PRKN: variants seen among roughly 807,000 people sequenced by gnomAD.
PRKN encodes E3 ubiquitin-protein ligase parkin.
A neutral mutation model predicts 59.5 loss-of-function variants in PRKN; 56 were observed. The ratio of observed to expected loss-of-function variants is 0.94; its 90% CI spans 0.76 to 1.18. The LOEUF is 1.18. Ranked by LOEUF, PRKN falls within the 50% of genes most tolerant of loss-of-function variation. The pLI is 0.00. For missense variants in PRKN, 657 were observed against 596.4 expected, an observed-to-expected ratio of 1.10 and a Z score of -1.06; for synonymous variants, 250 against 222.1, an observed-to-expected ratio of 1.13 and a Z score of -1.12.
At chr6:162,011,051 A>G (rs1363969125) in intron 5 of PRKN, among the ~76,000 whole-genome samples, 1 of 13,186 alleles carries the variant, frequency 7.6e-5, no homozygotes, top group African/African-American at 6.9e-4. Context: ...TATTTATAAT[A>G]TATATTATAA....
At position 162,652,146 on chromosome 6, in the gene PRKN, A is replaced by G. The variant is rs1416475996; in HGVS notation, c.7+75516T>C. 2.6e-5 allele frequency among the ~76,000 whole-genome samples: 4 copies of G among 152,308 alleles called. No individual in the cohort carries two copies. In the East Asian group the frequency reaches 7.7e-4, roughly 29 times the overall value. ...GTAACAGCCCCAAATTTCTTCAGATATCATCAATGTCCACTGGTGGCAAAA... is the reference window on the plus strand; with the variant it reads ...GTAACAGCCCCAAATTTCTTCAGATGTCATCAATGTCCACTGGTGGCAAAA... On this transcript the variant is annotated intron_variant, in intron 1 of 11. Transcript: ENST00000366898.
chr6:162,266,264 A>G (rs1324886608), intron 2 of PRKN, among the ~76,000 whole-genome samples: 5 of 150,990 alleles, frequency 3.3e-5, no homozygotes, highest in Admixed American at 2.0e-4. Flanking sequence ...TTCTTATTGC[A>G]GTGGTTAGAG....
At chr6:162,470,683 T>C (rs932580946) in intron 1 of PRKN, among the ~76,000 whole-genome samples, 10 of 152,222 alleles carry the variant, frequency 6.6e-5, no homozygotes, top group African/African-American at 2.4e-4. Flanking sequence ...TTTGAGAGGA[T>C]ACTTGGTGCT....
intron 1 of PRKN, among the ~76,000 whole-genome samples, chr6:162,610,430 C>T (rs1274016831): frequency 6.6e-6 from 1 of 152,186 alleles, no homozygotes; most frequent in Non-Finnish European, 1.5e-5. Flanking sequence ...TGTTAGAGGT[C>T]ACTATTCCAA....
chr6:161,431,385 T>C (rs1474120720), intron 9 of PRKN, among the ~76,000 whole-genome samples: 1 of 151,988 alleles, frequency 6.6e-6, no homozygotes, highest in African/African-American at 2.4e-5. Context: ...CAGATAAACA[T>C]TTTATGTGGT....
chr6:162,375,335 T>A (rs1786001752), intron 2 of PRKN, among the ~76,000 whole-genome samples: 1 of 151,530 alleles, frequency 6.6e-6, no homozygotes, highest in Middle Eastern at 3.5e-3. Flanking sequence ...AAGCAAAAAA[T>A]ACTTCAAAAA....
intron 7 of PRKN, among the ~76,000 whole-genome samples, chr6:161,614,687 C>A (rs1043279109): frequency 5.3e-5 from 8 of 152,186 alleles, no homozygotes; most frequent in Non-Finnish European, 8.8e-5. Context: ...GTGGGAATGT[C>A]TAGTTTTATA....
intron 1 of PRKN, among the ~76,000 whole-genome samples, chr6:162,517,278 C>T (rs1305460112): frequency 2.0e-5 from 3 of 150,452 alleles, no homozygotes; most frequent in Non-Finnish European, 4.4e-5. Flanking sequence ...GACGGAGTCC[C>T]GCTCTGTCGC....
intron 2 of PRKN, among the ~76,000 whole-genome samples, chr6:162,310,854 T>C (rs1782477812): frequency 6.6e-6 from 1 of 152,012 alleles, no homozygotes; most frequent in African/African-American, 2.4e-5. Flanking sequence ...ACAACTGACA[T>C]ACCTTTAGGG....
chr6:161,595,077 C>T (rs773885805), intron 7 of PRKN, among the ~76,000 whole-genome samples: 9 of 152,182 alleles, frequency 5.9e-5, no homozygotes, highest in Admixed American at 2.6e-4. Flanking sequence ...CGTGAGAAAT[C>T]TAAACCTACA....
chr6:162,395,051 A>C (rs987383713), intron 2 of PRKN, among the ~76,000 whole-genome samples: 1 of 152,192 alleles, frequency 6.6e-6, no homozygotes, highest in Non-Finnish European at 1.5e-5. Context: ...CCCATTTAAA[A>C]GATATACTAT....
intron 4 of PRKN, among the ~76,000 whole-genome samples, chr6:162,089,765 C>T (rs2187205): frequency 0.62 from 93,851 of 151,978 alleles, 29,263 homozygotes; most frequent in East Asian, 0.79. Context: ...ACGTCATAAG[C>T]GAAAGCAGGC....
chr6:161,511,264 T>C (rs547604003), intron 9 of PRKN, among the ~76,000 whole-genome samples: 3 of 152,330 alleles, frequency 2.0e-5, no homozygotes, highest in African/African-American at 7.2e-5. Flanking sequence ...ATTGGAAATA[T>C]GATGTAAGTT....
At chr6:162,310,265 G>C (rs1190190521) in intron 2 of PRKN, among the ~76,000 whole-genome samples, 1 of 152,116 alleles carries the variant, frequency 6.6e-6, no homozygotes, top group Non-Finnish European at 1.5e-5. Context: ...CTCATGTCCA[G>C]GCCAGGTGGC....
intron 7 of PRKN, among the ~76,000 whole-genome samples, chr6:161,751,730 CAA>C (rs1418594303): frequency 6.6e-6 from 1 of 152,144 alleles, no homozygotes; most frequent in Non-Finnish European, 1.5e-5. Context: ...GAGATGATAC[CAA>C]ATAAACTCAC....
At chr6:161,574,925 C>A (rs1346932341) in intron 7 of PRKN, among the ~76,000 whole-genome samples, 1 of 152,174 alleles carries the variant, frequency 6.6e-6, no homozygotes, top group African/African-American at 2.4e-5. Flanking sequence ...TCTTCTCTAT[C>A]TTTTCCCTCT....
Position 161,393,332 on chromosome 6 carries a change from C to T in PRKN, c.1084-6455G>A, listed in dbSNP as rs955308960. 2.0e-5 allele frequency among the ~76,000 whole-genome samples: 3 copies of T among 152,046 alleles called. No individual in the cohort carries two copies. Among genetic ancestry groups the T allele is most frequent in the African/African-American group, 7.3e-5 (3 of 41,356 alleles). On this transcript the variant is annotated intron_variant, in intron 9 of 11. Coordinates refer to ENST00000366898, the MANE Select transcript of PRKN (RefSeq NM_004562.3). The surrounding 1 kb of genome is among the most constrained non-coding windows in gnomAD (Gnocchi z 4.7). Reference sequence around the variant, plus strand: ...ACTGTTATGTGAATCTCGGGTAAAACTGACACCTCCCCAGAAATGCCACAC... The same window carrying T: ...ACTGTTATGTGAATCTCGGGTAAAATTGACACCTCCCCAGAAATGCCACAC...
chr6:162,088,714 T>C (rs1264014431), intron 4 of PRKN, among the ~76,000 whole-genome samples: 3 of 152,078 alleles, frequency 2.0e-5, no homozygotes, highest in African/African-American at 7.2e-5. Flanking sequence ...AGTAAAGACA[T>C]TGCGTTACTA....
intron 9 of PRKN, among the ~76,000 whole-genome samples, chr6:161,541,545 G>T (rs992073180): frequency 1.3e-5 from 2 of 152,212 alleles, no homozygotes; most frequent in East Asian, 3.9e-4. Context: ...TATTGGTCAG[G>T]TGCGGTGGCT....
Sources: allele counts gnomAD v4.1 joint callset (sites outside exome capture counted in the v4.1 genomes callset), GRCh38; gene constraint gnomAD v4.1.1; non-coding constraint Gnocchi (gnomAD v3.1); transcripts MANE v1.5; gene names NCBI Gene and HGNC (gene_info 2026-07-23, HGNC 2026-07-21).